NAV1: variants seen among roughly 807,000 people sequenced by gnomAD.
NAV1 encodes neuron navigator 1, also known as pore membrane and/or filament interacting like protein 3.
A neutral mutation model predicts 175.2 loss-of-function variants in NAV1; 18 were observed. The observed-to-expected ratio is 0.10, with a 90% CI of 0.07 to 0.15. The LOEUF is 0.15. NAV1 is among the 10% of genes least tolerant of loss of function. The pLI is 1.00. For missense variants in NAV1, 1,731 were observed against 2,436.6 expected (o/e 0.71, Z 6.10); for synonymous variants, 897 against 978.7 (o/e 0.92, Z 1.56).
At chr1:201,734,132 G>A (rs1672987297) in intron 3 of NAV1, among the ~76,000 whole-genome samples, 1 of 152,084 alleles carries the variant, frequency 6.6e-6, no homozygotes, top group Non-Finnish European at 1.5e-5. Context: ...CATTGGCCAG[G>A]TGTGATGGCT....
intron 2 of NAV1, among the ~76,000 whole-genome samples, chr1:201,636,748 T>G (rs1323375967): frequency 1.3e-5 from 2 of 152,136 alleles, no homozygotes; most frequent in African/African-American, 4.8e-5. Context: ...GAGAACTTCC[T>G]GGCAGGAGGA....
rs988898120 is a variant in NAV1 at position 201,813,848 on chromosome 1, G to C, written c.5340+590G>C. On this transcript the variant is annotated intron_variant, in intron 28 of 29. Transcript: ENST00000367296. This position sits in a 1 kb window ranked among gnomAD's most constrained non-coding sequence, Gnocchi z 4.2. ...CGAGGCGGGCAGATCACCAGGTCAG[G>C]AGATCAGGACCATCCTGGCTAACAT... Among the ~76,000 whole-genome samples the C allele has an allele frequency of 6.6e-6, 1 of 152,034 alleles. No homozygotes were observed. Among genetic ancestry groups the C allele is most frequent in the Non-Finnish European group, 1.5e-5 (1 of 68,004 alleles).
chr1:201,687,948 G>A (rs1445501914), intron 1 of NAV1, among the ~76,000 whole-genome samples: 1 of 152,208 alleles, frequency 6.6e-6, no homozygotes, highest in East Asian at 1.9e-4. Flanking sequence ...TGATTCTGCT[G>A]TATGTAATTA....
chr1:201,573,469 G>C (rs1035560917), intron 1 of NAV1, among the ~76,000 whole-genome samples: 3 of 152,120 alleles, frequency 2.0e-5, no homozygotes, highest in Non-Finnish European at 2.9e-5. Flanking sequence ...GGGAGCCCCT[G>C]CCCTGCCCTG....
intron 2 of NAV1, among the ~76,000 whole-genome samples, chr1:201,601,961 C>T (rs929001146): frequency 6.6e-5 from 10 of 152,276 alleles, no homozygotes; most frequent in African/African-American, 2.2e-4. Context: ...TGAGTTCCAG[C>T]CAGCTCAGGT....
intron 1 of NAV1, among the ~76,000 whole-genome samples, chr1:201,546,903 CAAA>C (rs534761806): frequency 1.4e-4 from 8 of 58,990 alleles, no homozygotes; most frequent in African/African-American, 2.0e-4. Flanking sequence ...AACTCTGTCT[CAAA>C]AAAAAAAAAA....
At chr1:201,780,521 A>T (rs1676253590) in exon 4 of NAV1, 3 of 1,614,158 alleles carry the variant, frequency 1.9e-6, no homozygotes, top group Non-Finnish European at 2.5e-6. Flanking sequence ...CTCCCTCCCA[A>T]GTACTCCCAC....
At chr1:201,709,431 G>T (rs1671804568) in intron 1 of NAV1, among the ~76,000 whole-genome samples, 1 of 152,174 alleles carries the variant, frequency 6.6e-6, no homozygotes, top group Non-Finnish European at 1.5e-5. Flanking sequence ...GTGAATGTCA[G>T]ATTGGCTCCT....
At chr1:201,573,137 T>C (rs1417950203) in intron 1 of NAV1, among the ~76,000 whole-genome samples, 1 of 152,236 alleles carries the variant, frequency 6.6e-6, no homozygotes, top group Non-Finnish European at 1.5e-5. Flanking sequence ...GAATTATGCA[T>C]AGGCACATGG....
At chr1:201,649,046 G>A (rs1244833940) in exon 1 of NAV1, 3 of 1,613,602 alleles carry the variant, frequency 1.9e-6, no homozygotes, top group Admixed American at 3.3e-5. Context: ...GCAAGGTGGG[G>A]TCCAAGGGCC....
At chr1:201,701,927 C>T (rs112404031) in intron 1 of NAV1, among the ~76,000 whole-genome samples, 56 of 152,286 alleles carry the variant, frequency 3.7e-4, no homozygotes, top group African/African-American at 1.2e-3. Flanking sequence ...AAGGCATGGA[C>T]GTGAATTTCA....
chr1:201,545,623 T>A (rs2102446177), intron 1 of NAV1, among the ~76,000 whole-genome samples: 1 of 152,358 alleles, frequency 6.6e-6, no homozygotes, highest in South Asian at 2.1e-4. Flanking sequence ...AAATGCTAGT[T>A]TCTCTTCTTT....
At chr1:201,548,448 G>A (rs1275944688) in intron 1 of NAV1, among the ~76,000 whole-genome samples, 1 of 152,190 alleles carries the variant, frequency 6.6e-6, no homozygotes, top group Non-Finnish European at 1.5e-5. Flanking sequence ...AGCTACTTGG[G>A]AAGCTGATAT....
chr1:201,645,015 G>A (rs980630826), upstream of NAV1, among the ~76,000 whole-genome samples: 44 of 152,132 alleles, frequency 2.9e-4, no homozygotes, highest in Admixed American at 7.9e-4. Flanking sequence ...ATCATGTTTC[G>A]CAGCAGTTCT....
chr1:201,562,438 G>C (rs1236012877), intron 1 of NAV1, among the ~76,000 whole-genome samples: 21 of 152,148 alleles, frequency 1.4e-4, no homozygotes. Flanking sequence ...ATGGGCGAAG[G>C]TCTGGAAGGC....
chr1:201,783,008 C>A, intron 6 of NAV1, 139 bp downstream of exon 10: 1 of 703,898 alleles, frequency 1.4e-6, no homozygotes, highest in Non-Finnish European at 2.3e-6. Flanking sequence ...CCACCTCTCC[C>A]CCATATGCCA....
chr1:201,707,768 C>G (rs1671732311), intron 1 of NAV1, among the ~76,000 whole-genome samples: 1 of 152,216 alleles, frequency 6.6e-6, no homozygotes, highest in South Asian at 2.1e-4. Flanking sequence ...TGCTTCCTCC[C>G]CATACAATGG....
intron 1 of NAV1, among the ~76,000 whole-genome samples, chr1:201,565,545 A>AT (rs1408435720): frequency 1.3e-5 from 2 of 152,246 alleles, no homozygotes; most frequent in African/African-American, 2.4e-5. Context: ...ATTCACTGAG[A>AT]TCACAAGGGA....
intron 2 of NAV1, among the ~76,000 whole-genome samples, chr1:201,643,085 T>TTC (rs1428580744): frequency 3.3e-5 from 5 of 150,084 alleles, no homozygotes; most frequent in African/African-American, 1.3e-4. Flanking sequence ...CTTTCTCTCT[T>TTC]TCTTTCTTTT....
Sources: gnomAD v4.1 joint callset for allele counts (sites outside exome capture counted in the v4.1 genomes callset) on GRCh38, gnomAD v4.1.1 for gene constraint, Gnocchi (gnomAD v3.1) non-coding constraint, MANE v1.5 for transcripts, NCBI Gene and HGNC (gene_info 2026-07-23, HGNC 2026-07-21) for gene names.